Variants in CSMD1 observed in about 807,000 individuals in gnomAD.
The protein encoded by CSMD1 is CUB and sushi domain-containing protein 1.
CSMD1 carries 213 observed loss-of-function variants against 417.5 expected under a neutral mutation model. The observed-to-expected ratio is 0.51, with a 90% CI of 0.46 to 0.57. The LOEUF is 0.57. Among genes scored for constraint, CSMD1 ranks in the 20% least tolerant of loss-of-function variants. The probability of loss-of-function intolerance (pLI) is 0.00; values close to 1 mark genes in which losing one functional copy is unlikely to be tolerated. For missense variants in CSMD1, 6,923 were observed against 4,529.7 expected (o/e 1.53, Z -15.17); for synonymous variants, 2,862 against 1,736.8 (o/e 1.65, Z -16.11).
At chr8:3,532,833 C>T (rs1211402922) in intron 10 of CSMD1, among the ~76,000 whole-genome samples, 1 of 152,092 alleles carries the variant, frequency 6.6e-6, no homozygotes, top group African/African-American at 2.4e-5. Context: ...GTCATTAAAG[C>T]ACACAGCACA....
chr8:3,392,458 T>C (rs1324287951), intron 17 of CSMD1, among the ~76,000 whole-genome samples: 1 of 152,052 alleles, frequency 6.6e-6, no homozygotes, highest in East Asian at 1.9e-4. Context: ...GGTAGCATTT[T>C]TCTCTTCCAC....
chr8:3,714,561 C>CAAAAACAAAAAA lies in CSMD1; in HGVS notation c.932-6071_932-6070insTTTTTTGTTTTT, dbSNP rs1372802238. 5.5e-4 allele frequency among the ~76,000 whole-genome samples: 39 copies of CAAAAACAAAAAA among 70,574 alleles called. 3 individuals are homozygous for CAAAAACAAAAAA. The East Asian group carries it at 0.018, about 33-fold the overall frequency. The allele number at this position is 70,574 out of a possible 152,430, so 46.3% of individuals were successfully genotyped here. A position where few individuals can be genotyped will look rare whatever the true frequency, so the allele number is the denominator to read the frequency against. On this transcript the variant is annotated intron_variant, in intron 6 of 69. Transcript: ENST00000635120. ...ACATGGCGAAACCCCATCTCTATCC[C>CAAAAACAAAAAA]AAAAAAAAAAAAAAAAAAAATTAGC...
rs148691455 is a variant in CSMD1 at position 4,922,600 on chromosome 8, T to A, written c.85+71732A>T. ...CTATAAAAGCTATTGATAGCGCTCA[T>A]GAGAGAAGGTATGCAGATAACAAGA... On this transcript the variant is annotated intron_variant, in intron 1 of 69. Transcript: ENST00000635120. Among the ~76,000 whole-genome samples the A allele has an allele frequency of 1.2e-3, 184 of 152,290 alleles. No homozygotes were observed. The Middle Eastern group carries it at 0.027, about 23-fold the overall frequency.
intron 1 of CSMD1, among the ~76,000 whole-genome samples, chr8:4,845,837 G>A (rs1304791750): frequency 6.6e-6 from 1 of 152,156 alleles, no homozygotes; most frequent in Admixed American, 6.6e-5. Context: ...ATTTACATAC[G>A]ATTTGTAGCT....
At chr8:4,301,798 C>T (rs970345458) in intron 3 of CSMD1, among the ~76,000 whole-genome samples, 11 of 152,142 alleles carry the variant, frequency 7.2e-5, no homozygotes, top group African/African-American at 2.2e-4. Context: ...CTTGATTTTG[C>T]CAGGGGGGTT....
intron 12 of CSMD1, among the ~76,000 whole-genome samples, chr8:3,425,353 G>C (rs183576537): frequency 1.3e-4 from 20 of 151,650 alleles, no homozygotes; most frequent in Non-Finnish European, 2.7e-4. Context: ...ACTTTGGGAG[G>C]CTGAGGTGCG....
rs1164986269 is a variant in CSMD1, at chr8:4,435,798, C to G, written c.303-15733G>C. ...GACAGCTAAACAAGACAATAGAAGA[C>G]AGACCGTGTCCCGAACACCTTCAGG... On this transcript the variant is annotated intron_variant, in intron 2 of 69. Coordinates refer to ENST00000635120, the MANE Select transcript of CSMD1 (RefSeq NM_033225.6). 5.3e-5 allele frequency among the ~76,000 whole-genome samples: 8 copies of G among 152,224 alleles called. No individual in the cohort carries two copies. In the South Asian group the frequency reaches 1.4e-3, roughly 28 times the overall value.
At chr8:4,351,637 G>C (rs950773600) in intron 3 of CSMD1, among the ~76,000 whole-genome samples, 1 of 152,160 alleles carries the variant, frequency 6.6e-6, no homozygotes, top group Non-Finnish European at 1.5e-5. Flanking sequence ...GGAGATGAGG[G>C]AGGTTTATAG....
At chr8:3,900,092 G>T (rs1017519314) in intron 5 of CSMD1, among the ~76,000 whole-genome samples, 1 of 152,120 alleles carries the variant, frequency 6.6e-6, no homozygotes, top group East Asian at 1.9e-4. Flanking sequence ...GCAGCTGTGT[G>T]ATGGTGCAGC....
intron 3 of CSMD1, among the ~76,000 whole-genome samples, chr8:4,360,510 G>A (rs777376444): frequency 5.3e-5 from 8 of 152,280 alleles, no homozygotes; most frequent in African/African-American, 1.7e-4. Context: ...GGTTCTTTGA[G>A]ATGGAGTCTG....
intron 7 of CSMD1, among the ~76,000 whole-genome samples, chr8:3,696,359 A>G (rs1325875857): frequency 6.6e-6 from 1 of 152,198 alleles, no homozygotes; most frequent in African/African-American, 2.4e-5. Context: ...ACCTTGGCTT[A>G]TCTCTTTGAC....
chr8:4,247,372 G>C (rs796174385), intron 3 of CSMD1, among the ~76,000 whole-genome samples: 21 of 152,222 alleles, frequency 1.4e-4, no homozygotes, highest in South Asian at 2.1e-4. Context: ...TTACGAGTAA[G>C]GTAGAGTCAG....
chr8:4,043,275 C>G (rs892178853), intron 3 of CSMD1, among the ~76,000 whole-genome samples: 2 of 151,982 alleles, frequency 1.3e-5, no homozygotes, highest in East Asian at 3.9e-4. Flanking sequence ...TAAAACGAAT[C>G]ACAGAAAGTA....
chr8:3,636,886 T>C (rs1797078226), intron 7 of CSMD1, among the ~76,000 whole-genome samples: 1 of 152,168 alleles, frequency 6.6e-6, no homozygotes, highest in South Asian at 2.1e-4. Flanking sequence ...TTTGTTGCCA[T>C]TGTGAGGTAA....
intron 57 of CSMD1, among the ~76,000 whole-genome samples, chr8:2,967,419 G>C (rs1804061514): frequency 6.6e-6 from 1 of 152,156 alleles, no homozygotes; most frequent in South Asian, 2.1e-4. Flanking sequence ...ATTAACGATG[G>C]TCAGTGCAAC....
chr8:3,674,271 G>A (rs1017802096), intron 7 of CSMD1, among the ~76,000 whole-genome samples: 4 of 152,092 alleles, frequency 2.6e-5, no homozygotes, highest in African/African-American at 4.8e-5. Context: ...AACCCATGTT[G>A]CTTTATTGCA....
At chr8:3,195,328 A>G (rs1485999544) in intron 33 of CSMD1, among the ~76,000 whole-genome samples, 1 of 152,148 alleles carries the variant, frequency 6.6e-6, no homozygotes, top group African/African-American at 2.4e-5. Context: ...AGGAAAGAGA[A>G]GGATGTGGGC....
chr8:4,283,237 C>G (rs945902291), intron 3 of CSMD1, among the ~76,000 whole-genome samples: 1 of 152,058 alleles, frequency 6.6e-6, no homozygotes, highest in Non-Finnish European at 1.5e-5. Context: ...ATCCACTATC[C>G]TTTTGCAAAC....
At chr8:4,290,836 G>T (rs889876326) in intron 3 of CSMD1, among the ~76,000 whole-genome samples, 2 of 152,084 alleles carry the variant, frequency 1.3e-5, no homozygotes, top group African/African-American at 2.4e-5. Context: ...ATAATTCAAA[G>T]CAAAATGAAA....
Sources: gnomAD v4.1 joint callset for allele counts (sites outside exome capture counted in the v4.1 genomes callset) on GRCh38, gnomAD v4.1.1 for gene constraint, MANE v1.5 for transcripts, NCBI Gene and HGNC (gene_info 2026-07-23, HGNC 2026-07-21) for gene names.